RBM20: variants seen among roughly 807,000 people sequenced by gnomAD.
RBM20 encodes the protein RNA-binding protein 20.
In RBM20, 51 loss-of-function variants were observed where a neutral mutation model predicts 110.1. The ratio of observed to expected loss-of-function variants is 0.46; its 90% CI spans 0.37 to 0.59. The LOEUF is 0.59. Ranked by LOEUF, RBM20 falls within the 20% of genes least tolerant of loss-of-function variation. RBM20 has a pLI of 0.00. For synonymous variants in RBM20, 589 were observed against 618.2 expected, an observed-to-expected ratio of 0.95 and a Z score of 0.70; for missense variants, 1,512 against 1,574.9, an observed-to-expected ratio of 0.96 and a Z score of 0.68.
At chr10:110,819,054 G>A (rs967248811) in intron 9 of RBM20, among the ~76,000 whole-genome samples, 2 of 152,174 alleles carry the variant, frequency 1.3e-5, no homozygotes, top group Non-Finnish European at 2.9e-5. Context: ...AGCTCAAGGG[G>A]GTGTGTCTGA....
chr10:110,797,758 G>A (rs1844570882), intron 6 of RBM20, 110 bp downstream of exon 6: 26 of 1,158,852 alleles, frequency 2.2e-5, no homozygotes, highest in Admixed American at 4.9e-5. Flanking sequence ...AGGCGATGCC[G>A]TAGCTGGCCT....
intron 6 of RBM20, 95 bp from the exon 7 acceptor site, chr10:110,799,692 C>A (rs192684053): frequency 1.1e-5 from 14 of 1,284,526 alleles, no homozygotes; most frequent in Non-Finnish European, 1.4e-5. Flanking sequence ...TTTGCCTGTT[C>A]TTGAACTTCA....
At chr10:110,818,232 G>C (rs917526810) in intron 9 of RBM20, among the ~76,000 whole-genome samples, 4 of 150,090 alleles carry the variant, frequency 2.7e-5, no homozygotes, top group African/African-American at 7.3e-5. Context: ...CGGAGATTGC[G>C]GTGAGCCGAG....
At chr10:110,757,285 A>G (rs1843934034) in intron 1 of RBM20, among the ~76,000 whole-genome samples, 1 of 152,184 alleles carries the variant, frequency 6.6e-6, no homozygotes, top group South Asian at 2.1e-4. Flanking sequence ...TTTTGTACTC[A>G]GCTTGTTATG....
intron 9 of RBM20, among the ~76,000 whole-genome samples, chr10:110,819,133 G>A (rs1262051170): frequency 6.6e-6 from 1 of 152,228 alleles, no homozygotes; most frequent in African/African-American, 2.4e-5. Context: ...TAGAACTGCA[G>A]CTTGGCCCTC....
At chr10:110,737,648 G>A (rs1054454810) in intron 1 of RBM20, among the ~76,000 whole-genome samples, 1 of 149,570 alleles carries the variant, frequency 6.7e-6, no homozygotes, top group African/African-American at 2.5e-5. Flanking sequence ...TAACGTAATT[G>A]GAATGATATG....
chr10:110,751,197 C>T (rs1479302067), intron 1 of RBM20, among the ~76,000 whole-genome samples: 1 of 152,242 alleles, frequency 6.6e-6, no homozygotes, highest in Non-Finnish European at 1.5e-5. Context: ...TCAGACCTTA[C>T]AGGATGTCTC....
At position 110,781,889 on chromosome 10, in the gene RBM20, G is replaced by A; in HGVS notation, c.1275+5G>A. 3.9e-6 allele frequency: 6 copies of A among 1,551,720 alleles called. No homozygotes were observed. The highest frequency in any genetic ancestry group is 5.2e-6 in the Non-Finnish European group (6 of 1,147,014). ...AAGAAGGTGTTTGATTTGAAGGTGA[G>A]TTGTCCAAGACAGGCTGGGAGCCAC... On this transcript the variant is annotated splice_donor_5th_base_variant and intron_variant, in intron 2 of 13. Transcript: ENST00000369519.
intron 1 of RBM20, among the ~76,000 whole-genome samples, chr10:110,715,212 C>T (rs1324780401): frequency 2.0e-5 from 3 of 152,182 alleles, no homozygotes; most frequent in Non-Finnish European, 4.4e-5. Context: ...CGCACCACTG[C>T]ACTCCAGCCT....
At chr10:110,690,414 A>C (rs925550439) in intron 1 of RBM20, among the ~76,000 whole-genome samples, 6 of 152,258 alleles carry the variant, frequency 3.9e-5, no homozygotes, top group Middle Eastern at 3.4e-3. Flanking sequence ...TCAAAAAAAA[A>C]CAAAAAAACA....
At chr10:110,764,442 G>A (rs1275448907) in intron 1 of RBM20, among the ~76,000 whole-genome samples, 1 of 152,210 alleles carries the variant, frequency 6.6e-6, no homozygotes, top group African/African-American at 2.4e-5. Flanking sequence ...CCATAGAGCT[G>A]GCTTGGGTGT....
At chr10:110,792,157 ATC>A (rs909841607) in intron 5 of RBM20, among the ~76,000 whole-genome samples, 6 of 151,020 alleles carry the variant, frequency 4.0e-5, no homozygotes, top group African/African-American at 1.5e-4. Flanking sequence ...CTATCTATCT[ATC>A]TATCTATCTA....
intron 1 of RBM20, among the ~76,000 whole-genome samples, chr10:110,711,444 T>C (rs1388209517): frequency 4.0e-5 from 6 of 149,080 alleles, no homozygotes. Flanking sequence ...CTTGCCTGGC[T>C]GGGAGGAGGG....
chr10:110,655,455 T>C (rs1043486630), intron 1 of RBM20, among the ~76,000 whole-genome samples: 13 of 152,184 alleles, frequency 8.5e-5, no homozygotes, highest in Non-Finnish European at 1.9e-4. Context: ...TAAACACTTA[T>C]AATCCTCTCA....
chr10:110,680,945 T>C (rs753755492), intron 1 of RBM20, among the ~76,000 whole-genome samples: 8 of 152,234 alleles, frequency 5.3e-5, no homozygotes, highest in Non-Finnish European at 1.0e-4. Flanking sequence ...TCAGTCTGTC[T>C]CTTATTCTCT....
rs1844790749 is a variant in RBM20 at position 110,812,778 on chromosome 10, G to GACACCCCCATCC, written c.2382_2393dup (p.His795_Pro798dup). On this transcript the variant is annotated inframe_insertion, in exon 9 of 14. Transcript: ENST00000369519. ...GACGAGGCCAGGCTGCGGGAAAGCAGACACCCCCATCCGGATGACTCAGGC... is the reference window on the plus strand; with the variant it reads ...GACGAGGCCAGGCTGCGGGAAAGCAGACACCCCCATCCACACCCCCATCCGGATGACTCAGGC... 6.4e-7 allele frequency: 1 copy of GACACCCCCATCC among 1,551,584 alleles called. No individual in the cohort carries two copies. Among genetic ancestry groups the GACACCCCCATCC allele is most frequent in the Non-Finnish European group, 8.7e-7 (1 of 1,146,974 alleles).
chr10:110,789,369 A>C (rs1377651187), intron 5 of RBM20, among the ~76,000 whole-genome samples: 1 of 151,662 alleles, frequency 6.6e-6, no homozygotes, highest in Non-Finnish European at 1.5e-5. Flanking sequence ...CCTGTGTTGG[A>C]GTCTGAGTGT....
At chr10:110,794,278 A>G (rs1411882448) in intron 5 of RBM20, among the ~76,000 whole-genome samples, 1 of 152,238 alleles carries the variant, frequency 6.6e-6, no homozygotes, top group East Asian at 1.9e-4. Flanking sequence ...CAACAACCCA[A>G]AGATATTTCA....
chr10:110,786,144 C>T (rs910007979), intron 5 of RBM20, among the ~76,000 whole-genome samples: 7 of 152,230 alleles, frequency 4.6e-5, no homozygotes, highest in African/African-American at 1.7e-4. Flanking sequence ...CTGACCTCTT[C>T]TTCTCCTCTG....
Sources: allele counts gnomAD v4.1 joint callset (sites outside exome capture counted in the v4.1 genomes callset), GRCh38; gene constraint gnomAD v4.1.1; transcripts MANE v1.5; gene names NCBI Gene and HGNC (gene_info 2026-07-23, HGNC 2026-07-21).